KANSL1L: variants seen among roughly 807,000 people sequenced by gnomAD.
The protein encoded by KANSL1L is KAT8 regulatory NSL complex subunit 1-like protein.
In KANSL1L, 25 loss-of-function variants were observed where a neutral mutation model predicts 108.6. The observed-to-expected ratio is 0.23, with a 90% CI of 0.17 to 0.32. KANSL1L has a LOEUF of 0.32. KANSL1L is among the 10% of genes least tolerant of loss of function. KANSL1L has a pLI of 1.00. For synonymous variants in KANSL1L, 405 were observed against 395.1 expected (o/e 1.03, Z -0.30); for missense variants, 1,137 against 1,125.7 (o/e 1.01, Z -0.14).
At chr2:210,088,426 C>T (rs1428424039) in intron 5 of KANSL1L, 1 of 152,238 alleles carries the variant, frequency 6.6e-6, no homozygotes, top group Non-Finnish European at 1.5e-5. Flanking sequence ...AAAGGAAATA[C>T]TCACCCAATG....
chr2:210,034,553 G>A (rs2125154042), intron 8 of KANSL1L, among the ~76,000 whole-genome samples: 1 of 152,316 alleles, frequency 6.6e-6, no homozygotes, highest in Non-Finnish European at 1.5e-5. Flanking sequence ...AAGGGATGGG[G>A]TGGGGAGCAG....
chr2:210,047,572 A>G (rs2094238643), intron 6 of KANSL1L, among the ~76,000 whole-genome samples: 1 of 152,192 alleles, frequency 6.6e-6, no homozygotes, highest in Admixed American at 6.5e-5. Flanking sequence ...ATTTCTACTA[A>G]CACTCTGTTC....
intron 7 of KANSL1L, chr2:210,043,686 C>G (rs906526872): frequency 1.3e-5 from 4 of 301,910 alleles, no homozygotes; most frequent in African/African-American, 6.4e-5. Context: ...AGATAAAAAC[C>G]TAGTAATTTC....
chr2:210,158,548 T>G (rs2095345496), intron 1 of KANSL1L, among the ~76,000 whole-genome samples: 1 of 152,104 alleles, frequency 6.6e-6, no homozygotes, highest in African/African-American at 2.4e-5. Flanking sequence ...GCCACTAAAT[T>G]TGGGGGTAAT....
chr2:210,085,044 A>T (rs911776980), intron 5 of KANSL1L, among the ~76,000 whole-genome samples: 10 of 152,212 alleles, frequency 6.6e-5, no homozygotes, highest in African/African-American at 2.4e-4. Context: ...AATCATAAAA[A>T]GATAATTTTG....
At chr2:210,091,002 A>T (rs2094688901) in intron 5 of KANSL1L, among the ~76,000 whole-genome samples, 1 of 152,212 alleles carries the variant, frequency 6.6e-6, no homozygotes, top group African/African-American at 2.4e-5. Context: ...AATTAACTGT[A>T]GCTATTGGTC....
intron 1 of KANSL1L, chr2:210,155,396 A>G (rs1210216756): frequency 6.6e-6 from 1 of 152,224 alleles, no homozygotes; most frequent in Non-Finnish European, 1.5e-5. Flanking sequence ...TGCATGACAG[A>G]GTAAGACTCT....
chr2:210,169,054 T>C (rs1688168559), intron 1 of KANSL1L, among the ~76,000 whole-genome samples: 1 of 152,098 alleles, frequency 6.6e-6, no homozygotes, highest in Admixed American at 6.5e-5. Flanking sequence ...TACTAGGTGA[T>C]AAACAAAGAC....
chr2:210,050,405 A>T (rs1027165318), intron 6 of KANSL1L, among the ~76,000 whole-genome samples: 1 of 152,198 alleles, frequency 6.6e-6, no homozygotes, highest in Non-Finnish European at 1.5e-5. Flanking sequence ...ACCCAAATAT[A>T]TAACATCCAC....
chr2:210,144,918 T>C (rs1472571754), intron 2 of KANSL1L, among the ~76,000 whole-genome samples: 1 of 152,238 alleles, frequency 6.6e-6, no homozygotes, highest in Non-Finnish European at 1.5e-5. Flanking sequence ...AATGTCTGCA[T>C]AGTTGATGAA....
chr2:210,057,803 A>G lies in KANSL1L; in HGVS notation c.1756-13699T>C, dbSNP rs186267875. On this transcript the variant is annotated intron_variant, in intron 6 of 14. Transcript: ENST00000281772. The stretch of plus-strand genomic sequence containing the variant: ...CATAAATTGTGAAGATTTCATGGAC[A>G]CTTATCACTTCCCCAATCAATACCC... 1.3e-3 allele frequency among the ~76,000 whole-genome samples: 202 copies of G among 152,342 alleles called. 1 individual carries two copies. Among genetic ancestry groups the G allele is most frequent in the Admixed American group, 3.2e-3 (49 of 15,304 alleles).
intron 8 of KANSL1L, among the ~76,000 whole-genome samples, chr2:210,034,489 G>A (rs927469994): frequency 1.3e-5 from 2 of 152,218 alleles, no homozygotes; most frequent in African/African-American, 4.8e-5. Flanking sequence ...GGAGGAGCCA[G>A]CCTATGTAGA....
chr2:210,037,509 A>G (rs1260694733), intron 8 of KANSL1L, among the ~76,000 whole-genome samples: 2 of 152,216 alleles, frequency 1.3e-5, no homozygotes, highest in Non-Finnish European at 2.9e-5. Context: ...TTTCCCCCTA[A>G]GCATAGATAA....
chr2:210,084,896 C>G (rs989045280), intron 5 of KANSL1L, among the ~76,000 whole-genome samples: 3 of 152,170 alleles, frequency 2.0e-5, no homozygotes, highest in African/African-American at 7.2e-5. Context: ...AGGCATAAGC[C>G]ACCATGCCCA....
chr2:210,042,308 A>G (rs2094173527), intron 7 of KANSL1L, among the ~76,000 whole-genome samples: 1 of 152,212 alleles, frequency 6.6e-6, no homozygotes, highest in Non-Finnish European at 1.5e-5. Flanking sequence ...GTACTTACAT[A>G]TAGTAGGTAT....
intron 5 of KANSL1L, among the ~76,000 whole-genome samples, chr2:210,094,177 A>C (rs933434069): frequency 6.6e-6 from 1 of 152,184 alleles, no homozygotes; most frequent in African/African-American, 2.4e-5. Flanking sequence ...AATGCCATTA[A>C]ACTTACATTT....
At chr2:210,112,317 T>C (rs922766413) in intron 3 of KANSL1L, among the ~76,000 whole-genome samples, 1 of 152,136 alleles carries the variant, frequency 6.6e-6, no homozygotes, top group Non-Finnish European at 1.5e-5. Context: ...ACTGGATCCC[T>C]TCCTTACACC....
rs560325854 is a variant in KANSL1L, at chr2:210,131,995, C to G, written c.1089-2823G>C. 3.9e-5 allele frequency among the ~76,000 whole-genome samples: 6 copies of G among 152,160 alleles called. No individual in the cohort carries two copies. The South Asian group carries it at 1.2e-3, about 32-fold the overall frequency. On this transcript the variant is annotated intron_variant, in intron 2 of 14. Transcript: ENST00000281772. ...TACAGGCATAAGCCAGAAAGCCCGG[C>G]CTGAAATAAATTTTCTGTAGAGGGT...
intron 5 of KANSL1L, chr2:210,088,378 T>G (rs1320089193): frequency 6.6e-6 from 1 of 152,264 alleles, no homozygotes; most frequent in East Asian, 1.9e-4. Context: ...TTGGCAGATA[T>G]GCCTGATCTG....
Sources: gnomAD v4.1 joint callset for allele counts (sites outside exome capture counted in the v4.1 genomes callset) on GRCh38, gnomAD v4.1.1 for gene constraint, MANE v1.5 for transcripts, NCBI Gene and HGNC (gene_info 2026-07-23, HGNC 2026-07-21) for gene names.